RAB10: variants seen among roughly 807,000 people sequenced by gnomAD.
The protein encoded by RAB10 is ras-related protein Rab-10.
A neutral mutation model predicts 25.7 loss-of-function variants in RAB10; 5 were observed. The ratio of observed to expected loss-of-function variants is 0.19; its 90% confidence interval spans 0.10 to 0.41. The LOEUF (loss-of-function observed/expected upper bound fraction) is 0.41. RAB10 is among the 10% of genes least tolerant of loss of function. RAB10 has a pLI of 1.00. For missense variants in RAB10, 103 were observed against 245.8 expected (o/e 0.42, Z 3.89); for synonymous variants, 89 against 86.4 (o/e 1.03, Z -0.16).
intron 1 of RAB10, among the ~76,000 whole-genome samples, chr2:26,051,216 T>C (rs1666125555): frequency 6.6e-6 from 1 of 152,158 alleles, no homozygotes; most frequent in African/African-American, 2.4e-5. Flanking sequence ...GGATTTTAAG[T>C]GTGAGCCACC....
chr2:26,072,945 T>G (rs1358543716), intron 1 of RAB10, among the ~76,000 whole-genome samples: 2 of 152,208 alleles, frequency 1.3e-5, no homozygotes, highest in African/African-American at 2.4e-5. Flanking sequence ...CACAAAAGTT[T>G]GTTGAGATCC....
At chr2:26,115,597 A>C (rs1305447015) in intron 3 of RAB10, among the ~76,000 whole-genome samples, 1 of 152,176 alleles carries the variant, frequency 6.6e-6, no homozygotes, top group Non-Finnish European at 1.5e-5. Context: ...GAGAGAAAAG[A>C]GTGGTTGCTA....
chr2:26,123,289 T>C (rs1667842063), intron 3 of RAB10, among the ~76,000 whole-genome samples: 1 of 152,174 alleles, frequency 6.6e-6, no homozygotes, highest in Non-Finnish European at 1.5e-5. Context: ...AGTGGTCTAC[T>C]TGCCCCCGAA....
At chr2:26,088,769 C>T (rs1034046718) in intron 1 of RAB10, among the ~76,000 whole-genome samples, 12 of 151,986 alleles carry the variant, frequency 7.9e-5, no homozygotes, top group South Asian at 2.1e-4. Context: ...GGATTACAGG[C>T]GCCCGCCACC....
intron 1 of RAB10, among the ~76,000 whole-genome samples, chr2:26,035,057 G>A (rs575720320): frequency 1.3e-5 from 2 of 152,304 alleles, no homozygotes; most frequent in African/African-American, 4.8e-5. Flanking sequence ...ATTAGTAGAT[G>A]TGTGATATTT....
At chr2:26,103,585 A>G (rs1042773343) in intron 2 of RAB10, among the ~76,000 whole-genome samples, 3 of 152,120 alleles carry the variant, frequency 2.0e-5, no homozygotes, top group Non-Finnish European at 4.4e-5. Flanking sequence ...TTTGTTTTAT[A>G]ATGACTTTTT....
chr2:26,114,393 C>G (rs1667640106), intron 3 of RAB10, among the ~76,000 whole-genome samples: 1 of 152,096 alleles, frequency 6.6e-6, no homozygotes, highest in Non-Finnish European at 1.5e-5. Context: ...TAAGGATAGT[C>G]ATAAAGATTG....
At chr2:26,061,754 AC>A (rs1666399862) in intron 1 of RAB10, among the ~76,000 whole-genome samples, 1 of 73,266 alleles carries the variant, frequency 1.4e-5, no homozygotes, top group African/African-American at 5.2e-5. Flanking sequence ...TCTGCTCCCC[AC>A]CCCACCCCCC....
chr2:26,123,913 T>C (rs1574562928), intron 3 of RAB10, among the ~76,000 whole-genome samples: 1 of 152,162 alleles, frequency 6.6e-6, no homozygotes, highest in Admixed American at 6.6e-5. Context: ...CCCTTCCACC[T>C]TCTCTACCTC....
chr2:26,076,990 A>G (rs528550580), intron 1 of RAB10, among the ~76,000 whole-genome samples: 1 of 151,844 alleles, frequency 6.6e-6, no homozygotes, highest in African/African-American at 2.4e-5. Flanking sequence ...CACTATAAAG[A>G]GAGCTCAGAA....
rs376797140 is a variant in RAB10, at chr2:26,107,151, C to T, written c.189-2617C>T. On this transcript the variant is annotated intron_variant, in intron 2 of 5. Transcript: ENST00000264710. ...ATCTCAGCTATTCCAGAGGCTGAGG[C>T]AGGAGAATCTCTTGAACCTGGGAGG... 1.7e-4 allele frequency among the ~76,000 whole-genome samples: 25 copies of T among 148,484 alleles called. No individual in the cohort carries two copies. In the East Asian group the frequency reaches 3.6e-3, roughly 21 times the overall value.
At chr2:26,043,072 T>C (rs1306680747) in intron 1 of RAB10, among the ~76,000 whole-genome samples, 1 of 152,134 alleles carries the variant, frequency 6.6e-6, no homozygotes, top group African/African-American at 2.4e-5. Context: ...AAATTAAAAA[T>C]GAAATTACCA....
chr2:26,066,643 T>C (rs891287386), intron 1 of RAB10, among the ~76,000 whole-genome samples: 4 of 152,050 alleles, frequency 2.6e-5, no homozygotes, highest in African/African-American at 9.7e-5. Flanking sequence ...CTCGCTATCA[T>C]GAGAACAGCA....
At chr2:26,084,946 G>A (rs1025020233) in intron 1 of RAB10, among the ~76,000 whole-genome samples, 1 of 152,168 alleles carries the variant, frequency 6.6e-6, no homozygotes, top group East Asian at 1.9e-4. Context: ...TTAGGAATGT[G>A]TATATTGCAT....
intron 1 of RAB10, among the ~76,000 whole-genome samples, chr2:26,093,576 G>A (rs1667151655): frequency 6.6e-6 from 1 of 152,034 alleles, no homozygotes; most frequent in South Asian, 2.1e-4. Flanking sequence ...TACCTCTTTT[G>A]TGTTTGTTCC....
At chr2:26,127,053 C>A in intron 3 of RAB10, 91 bp from the exon 4 acceptor site, 1 of 919,176 alleles carries the variant, frequency 1.1e-6, no homozygotes, top group South Asian at 1.7e-5. Context: ...ATAGAAATGA[C>A]CCTCTAAATT....
chr2:26,125,110 C>CGT (rs1031951130), intron 3 of RAB10, among the ~76,000 whole-genome samples: 1 of 152,074 alleles, frequency 6.6e-6, no homozygotes, highest in African/African-American at 2.4e-5. Flanking sequence ...AATTCTTCTG[C>CGT]GTGTATACCC....
chr2:26,109,801 C>T lies in RAB10; in HGVS notation c.222C>T (p.Ile74=), dbSNP rs1667535409. The T allele has an allele frequency of 1.2e-6, 2 of 1,607,914 alleles. No homozygotes were observed. The highest frequency in any genetic ancestry group is 1.7e-6 in the Non-Finnish European group (2 of 1,177,596). ...CAGGCCAGGAGCGATTTCACACCAT[C>T]ACAACCTCCTACTACAGAGGCGCAA... The part of the protein sequence containing the change: ...DTAGQERFHT[I]TTSYYRGAMG... The change falls in exon 3 of 6, where the codon ATC becomes ATT. Residue 74 remains isoleucine, a synonymous_variant. Coordinates refer to ENST00000264710, the MANE Select transcript of RAB10 (RefSeq NM_016131.5).
At chr2:26,086,195 G>A (rs1284386804) in intron 1 of RAB10, among the ~76,000 whole-genome samples, 5 of 151,548 alleles carry the variant, frequency 3.3e-5, no homozygotes, top group Non-Finnish European at 7.4e-5. Flanking sequence ...GCAGTCCCCT[G>A]TAATCCCAAC....
Sources: gnomAD v4.1 joint callset for allele counts (sites outside exome capture counted in the v4.1 genomes callset) on GRCh38, gnomAD v4.1.1 for gene constraint, MANE v1.5 for transcripts, NCBI Gene and HGNC (gene_info 2026-07-23, HGNC 2026-07-21) for gene names.